PCDH15: variants seen among roughly 807,000 people sequenced by gnomAD.
PCDH15 encodes protocadherin-15.
Under a neutral mutation model 178.5 loss-of-function variants are expected in PCDH15, and 129 were observed. The ratio of observed to expected loss-of-function variants is 0.72; its 90% CI spans 0.63 to 0.84. The LOEUF is 0.84. Ranked by LOEUF, PCDH15 falls within the 40% of genes least tolerant of loss-of-function variation. The pLI is 0.00. For missense variants in PCDH15, 2,230 were observed against 2,099.9 expected, an observed-to-expected ratio of 1.06 and a Z score of -1.21; for synonymous variants, 800 against 732.0, an observed-to-expected ratio of 1.09 and a Z score of -1.50.
At chr10:54,216,311 C>T (rs1164725298) in intron 9 of PCDH15, among the ~76,000 whole-genome samples, 2 of 151,442 alleles carry the variant, frequency 1.3e-5, no homozygotes, top group Non-Finnish European at 1.5e-5. Context: ...CAAAAATTAG[C>T]TGGGCGTGAT....
At chr10:53,898,188 G>T (rs1002333092) in intron 26 of PCDH15, among the ~76,000 whole-genome samples, 2 of 151,532 alleles carry the variant, frequency 1.3e-5, no homozygotes, top group Admixed American at 1.3e-4. Context: ...AGGATGGTCT[G>T]GATCTCCTGA....
chr10:54,656,780 G>T (rs1053819199), intron 2 of PCDH15, among the ~76,000 whole-genome samples: 10 of 152,282 alleles, frequency 6.6e-5, no homozygotes, highest in Middle Eastern at 3.4e-3. Context: ...TGCCTTGAGA[G>T]AAAGGAAATG....
chr10:54,065,478 G>A (rs2094119434), intron 18 of PCDH15, among the ~76,000 whole-genome samples: 1 of 152,266 alleles, frequency 6.6e-6, no homozygotes, highest in Admixed American at 6.5e-5. Flanking sequence ...TCCACAGTAA[G>A]CCATTGGACA....
intron 8 of PCDH15, among the ~76,000 whole-genome samples, chr10:54,288,388 G>A (rs1169731810): frequency 6.6e-6 from 1 of 152,082 alleles, no homozygotes; most frequent in Non-Finnish European, 1.5e-5. Context: ...AAAATTTAGA[G>A]ACTAGATTGT....
chr10:54,790,544 T>G (rs987400534), intron 1 of PCDH15, among the ~76,000 whole-genome samples: 11 of 151,788 alleles, frequency 7.2e-5, no homozygotes, highest in Non-Finnish European at 1.6e-4. Context: ...GGCTGCTTAT[T>G]TTTTTCCCGC....
intron 2 of PCDH15, among the ~76,000 whole-genome samples, chr10:55,336,547 A>G (rs1844402023): frequency 6.6e-6 from 1 of 152,116 alleles, no homozygotes; most frequent in Admixed American, 6.6e-5. Flanking sequence ...ATCTTCCTCT[A>G]AAGTAATTCA....
chr10:54,990,478 A>G (rs147160168), intron 2 of PCDH15, among the ~76,000 whole-genome samples: 1 of 152,226 alleles, frequency 6.6e-6, no homozygotes. Context: ...TTATAAATTT[A>G]GCTTCTAGCT....
intron 14 of PCDH15, 29 bp from the exon 15 acceptor site, chr10:54,133,036 GT>G (rs2042577563): frequency 1.2e-6 from 2 of 1,613,518 alleles, no homozygotes; most frequent in Non-Finnish European, 1.7e-6. Flanking sequence ...AAAGAAGATG[GT>G]TACGAATCTG....
intron 2 of PCDH15, among the ~76,000 whole-genome samples, chr10:54,661,492 T>C (rs530855992): frequency 2.0e-5 from 3 of 151,936 alleles, no homozygotes; most frequent in South Asian, 4.1e-4. Flanking sequence ...GCGAGCTACA[T>C]AGTCAATATA....
intron 2 of PCDH15, among the ~76,000 whole-genome samples, chr10:55,368,107 C>T (rs1310591608): frequency 6.6e-6 from 1 of 151,878 alleles, no homozygotes; most frequent in African/African-American, 2.4e-5. Context: ...TGCAAAAATA[C>T]CTTAGGGATT....
intron 2 of PCDH15, among the ~76,000 whole-genome samples, chr10:55,149,346 A>G (rs909221607): frequency 2.6e-5 from 4 of 151,920 alleles, no homozygotes; most frequent in African/African-American, 9.7e-5. Flanking sequence ...GAAAGCCTTA[A>G]AATGTTGGTA....
chr10:54,197,815 T>C (rs2049826623), intron 10 of PCDH15, among the ~76,000 whole-genome samples: 1 of 152,210 alleles, frequency 6.6e-6, no homozygotes, highest in African/African-American at 2.4e-5. Flanking sequence ...TATTGAAGAT[T>C]TGTTGAAATA....
At chr10:54,059,422 ATAAG>A (rs1464977728) in intron 18 of PCDH15, among the ~76,000 whole-genome samples, 2 of 152,252 alleles carry the variant, frequency 1.3e-5, no homozygotes, top group African/African-American at 4.8e-5. Context: ...TTATATAACA[ATAAG>A]TAAATACATA....
At chr10:54,542,058 G>A (rs1315596920) in intron 2 of PCDH15, among the ~76,000 whole-genome samples, 1 of 152,212 alleles carries the variant, frequency 6.6e-6, no homozygotes, top group Non-Finnish European at 1.5e-5. Flanking sequence ...ACTTATTAAA[G>A]AACATATCCA....
chr10:54,538,940 T>G (rs905874492), intron 2 of PCDH15, among the ~76,000 whole-genome samples: 2 of 152,204 alleles, frequency 1.3e-5, no homozygotes, highest in Non-Finnish European at 2.9e-5. Context: ...ATTTCAGAAT[T>G]TTTTCTAATT....
At chr10:54,571,785 T>G (rs2089877294) in intron 2 of PCDH15, among the ~76,000 whole-genome samples, 2 of 152,164 alleles carry the variant, frequency 1.3e-5, no homozygotes, top group Non-Finnish European at 2.9e-5. Context: ...TTTTAGCAGC[T>G]TAAAAAAAGC....
Position 54,490,817 on chromosome 10 carries a change from TG to T in PCDH15, c.157+36994del, listed in dbSNP as rs1565409171. 9.8e-5 allele frequency among the ~76,000 whole-genome samples: 15 copies of T among 152,316 alleles called. No homozygotes were observed. In the South Asian group the frequency reaches 2.9e-3, roughly 29 times the overall value. The stretch of plus-strand genomic sequence containing the variant: ...ATTTTTTACCTGAAATAAATGATTT[TG>T]TGAAGATATAAAATTAGGAGAGACC... On this transcript the variant is annotated intron_variant, in intron 3 of 37. Transcript: ENST00000644397.
intron 2 of PCDH15, among the ~76,000 whole-genome samples, chr10:54,998,084 G>A (rs996046440): frequency 1.3e-5 from 2 of 151,940 alleles, no homozygotes; most frequent in African/African-American, 4.8e-5. Flanking sequence ...TATATAAAAT[G>A]TGCCAAAGAA....
At chr10:55,079,106 C>CT (rs1226365596) in intron 2 of PCDH15, among the ~76,000 whole-genome samples, 1 of 151,968 alleles carries the variant, frequency 6.6e-6, no homozygotes, top group Non-Finnish European at 1.5e-5. Flanking sequence ...TTGGGACTTT[C>CT]TTTTTTATTG....
Sources: gnomAD v4.1 joint callset for allele counts (sites outside exome capture counted in the v4.1 genomes callset) on GRCh38, gnomAD v4.1.1 for gene constraint, MANE v1.5 for transcripts, NCBI Gene and HGNC (gene_info 2026-07-23, HGNC 2026-07-21) for gene names.